Variants in SPAG11A observed in about 807,000 individuals in gnomAD.
SPAG11A encodes sperm associated antigen 11A.
In SPAG11A, 2 loss-of-function variants were observed where a neutral mutation model predicts 5.5. The ratio of observed to expected loss-of-function variants is 0.37; its 90% CI spans 0.15 to 1.15. The LOEUF (loss-of-function observed/expected upper bound fraction) is 1.15. SPAG11A is among the 50% of genes most tolerant of loss of function. The pLI is 0.38. For synonymous variants in SPAG11A, 11 were observed against 42.7 expected (o/e 0.26, Z 2.90); for missense variants, 24 against 122.5 (o/e 0.20, Z 3.80).
intron 2 of SPAG11A, among the ~76,000 whole-genome samples, chr8:7,856,999 T>A (rs2128927962): frequency 6.8e-6 from 1 of 146,358 alleles, no homozygotes; most frequent in East Asian, 2.1e-4. Flanking sequence ...TTTAATACTA[T>A]TAATTTATTT....
chr8:7,857,462 T>TG (rs1563459420), intron 2 of SPAG11A, among the ~76,000 whole-genome samples: 1 of 74,206 alleles, frequency 1.3e-5, no homozygotes, highest in African/African-American at 3.8e-5. Context: ...TTTTTTTTTT[T>TG]TGAGAGATTT....
At chr8:7,852,584 C>T (rs545891505) in intron 2 of SPAG11A, among the ~76,000 whole-genome samples, 10 of 152,310 alleles carry the variant, frequency 6.6e-5, no homozygotes, top group East Asian at 3.9e-4. Context: ...CTGTCCGCCT[C>T]GGCCTCCCGA....
Position 7,860,644 on chromosome 8 carries a change from A to T in SPAG11A, c.215-2A>T, listed in dbSNP as rs765629930. On this transcript the variant is annotated splice_acceptor_variant, in intron 2 of 2. Coordinates refer to ENST00000642566, the Ensembl canonical transcript of SPAG11A. LOFTEE classifies it high-confidence loss of function. ...GTCAACTCTCTTCTGTTGTATCCATAGGGGATGTTCCACTGGGAATTAGAA... is the reference window on the plus strand; with the variant it reads ...GTCAACTCTCTTCTGTTGTATCCATTGGGGATGTTCCACTGGGAATTAGAA... 1.4e-6 allele frequency: 2 copies of T among 1,441,510 alleles called. No individual in the cohort carries two copies. The highest frequency in any genetic ancestry group is 1.9e-6 in the Non-Finnish European group (2 of 1,063,340). 89.3% of individuals were successfully genotyped at this position (1,441,510 alleles called of 1,614,324 possible).
chr8:7,863,747 G>C, downstream of SPAG11A: 1 of 707,246 alleles, frequency 1.4e-6, no homozygotes, highest in East Asian at 2.8e-5. Context: ...AGAGACCGGA[G>C]TATGATCCTC....
chr8:7,860,031 T>C lies in SPAG11A; in HGVS notation c.215-615T>C, dbSNP rs866724199. ...GACCAACACTGTGCTGTTGTTGTTG[T>C]TGCTGCTGTTGTTGCTGCTGTTTAA... On this transcript the variant is annotated intron_variant, in intron 2 of 2. Transcript: ENST00000642566. Among the ~76,000 whole-genome samples, 460 of 149,508 alleles carry C rather than the reference T, an allele frequency of 3.1e-3. 3 individuals are homozygous for C. The highest frequency in any genetic ancestry group is 0.011 in the African/African-American group (444 of 39,834).
downstream of SPAG11A, chr8:7,860,973 A>G: frequency 1.3e-6 from 1 of 792,476 alleles, no homozygotes; most frequent in Non-Finnish European, 1.7e-6. Context: ...ACATTTTTTT[A>G]ACTTCCTTAC....
rs868347572 is a variant in SPAG11A at position 7,858,509 on chromosome 8, A to C, written c.215-2137A>C. On this transcript the variant is annotated intron_variant, in intron 2 of 2. Coordinates refer to ENST00000642566, the Ensembl canonical transcript of SPAG11A. ...CATGTCCTCTTCCTCCAAAGTAGAC[A>C]ATATCCTGGCTCTTCATAAATAGGT... 9.8e-3 allele frequency among the ~76,000 whole-genome samples: 895 copies of C among 91,300 alleles called. 29 individuals are homozygous for C. Among genetic ancestry groups the C allele is most frequent in the African/African-American group, 0.025 (825 of 32,638 alleles). The allele number at this position is 91,300 out of a possible 152,430, so 59.9% of individuals were successfully genotyped here.
chr8:7,852,569 G>GAATT (rs1186649862), intron 2 of SPAG11A, among the ~76,000 whole-genome samples: 1 of 151,906 alleles, frequency 6.6e-6, no homozygotes, highest in Non-Finnish European at 1.5e-5. Flanking sequence ...CCGACCTCAG[G>GAATT]TGATCTGTCC....
At chr8:7,859,939 C>T (rs540114589) in intron 2 of SPAG11A, among the ~76,000 whole-genome samples, 1 of 147,132 alleles carries the variant, frequency 6.8e-6, no homozygotes, top group African/African-American at 2.5e-5. Context: ...TGAGATGATA[C>T]AGAATCAGGG....
intron 2 of SPAG11A, among the ~76,000 whole-genome samples, chr8:7,858,229 C>T (rs1017919945): frequency 2.7e-5 from 3 of 111,694 alleles, no homozygotes; most frequent in East Asian, 3.3e-4. Context: ...TCTAAGTGAT[C>T]CTGGGACTAA....
downstream of SPAG11A, among the ~76,000 whole-genome samples, chr8:7,861,537 G>GAGATTCCT: frequency 6.9e-6 from 1 of 144,700 alleles, no homozygotes; most frequent in Non-Finnish European, 1.5e-5. Context: ...AGCAAGGCAG[G>GAGATTCCT]GCCCCTGTTC....
chr8:7,852,365 G>A (rs1177899523), intron 2 of SPAG11A, among the ~76,000 whole-genome samples: 1 of 152,158 alleles, frequency 6.6e-6, no homozygotes, highest in African/African-American at 2.4e-5. Context: ...CCAGGCTGGA[G>A]TGCAATGGTG....
chr8:7,862,716 G>A, downstream of SPAG11A, among the ~76,000 whole-genome samples: 2 of 110,996 alleles, frequency 1.8e-5, no homozygotes, highest in Admixed American at 9.5e-5. Context: ...AGTGTTTGCT[G>A]AGGCTTCCGG....
rs1242446742 is a variant in SPAG11A at position 7,860,381 on chromosome 8, A to G, written c.215-265A>G. On this transcript the variant is annotated intron_variant, in intron 2 of 2. Transcript: ENST00000642566. ...CTCACCAGGAGGCTCGAGGACCCTC[A>G]TTTAAGATCTGCGTGGGCTTTTTAG... The G allele has an allele frequency of 2.1e-6, 3 of 1,430,038 alleles. 1 individual carries two copies. Among genetic ancestry groups the G allele is most frequent in the Non-Finnish European group, 2.8e-6 (3 of 1,053,606 alleles). The allele number at this position is 1,430,038 out of a possible 1,614,324, so 88.6% of individuals were successfully genotyped here. A position where few individuals can be genotyped will look rare whatever the true frequency, so the allele number is the denominator to read the frequency against.
At position 7,857,612 on chromosome 8, in the gene SPAG11A, CT is replaced by C. The variant is rs1311350900; in HGVS notation, c.215-3024del. Reference sequence around the variant, plus strand: ...AGTACATAGCTAACATTTAAGGTAACTTTTTTTTTTCTCTCTTTTTTTTTGA... The same window carrying C: ...AGTACATAGCTAACATTTAAGGTAACTTTTTTTTTCTCTCTTTTTTTTTGA... On this transcript the variant is annotated intron_variant, in intron 2 of 2. Transcript: ENST00000642566. 1.7e-3 allele frequency among the ~76,000 whole-genome samples: 122 copies of C among 73,726 alleles called. 8 individuals carry two copies. The highest frequency in any genetic ancestry group is 3.7e-3 in the African/African-American group (108 of 29,456). The allele number at this position is 73,726 out of a possible 152,430, so 48.4% of individuals were successfully genotyped here.
At chr8:7,852,415 G>A (rs567263398) in intron 2 of SPAG11A, among the ~76,000 whole-genome samples, 32 of 152,170 alleles carry the variant, frequency 2.1e-4, no homozygotes, top group Non-Finnish European at 4.6e-4. Flanking sequence ...CCGGGTTCAA[G>A]CGATTCTCCC....
intron 2 of SPAG11A, among the ~76,000 whole-genome samples, chr8:7,853,001 CCA>C: frequency 7.2e-5 from 1 of 13,964 alleles, no homozygotes; most frequent in East Asian, 1.5e-3. Context: ...ATTTTGCTGA[CCA>C]CAGTTTCTCA....
intron 2 of SPAG11A, chr8:7,859,320 T>C: frequency 5.7e-4 from 1 of 1,758 alleles, no homozygotes; most frequent in Non-Finnish European, 1.0e-3. Flanking sequence ...GGGAAGGTAG[T>C]GCAGGAATTC....
At chr8:7,860,370 C>T (rs757955667) in intron 2 of SPAG11A, 8 of 1,429,878 alleles carry the variant, frequency 5.6e-6, no homozygotes, top group African/African-American at 1.4e-5. Context: ...CCAGGAGGCT[C>T]GAGGACCCTC....
Sources: gnomAD v4.1 joint callset for allele counts (sites outside exome capture counted in the v4.1 genomes callset) on GRCh38, gnomAD v4.1.1 for gene constraint, MANE v1.5 for transcripts, NCBI Gene and HGNC (gene_info 2026-07-23, HGNC 2026-07-21) for gene names.